SLC25A13: variants seen among roughly 807,000 people sequenced by gnomAD.
SLC25A13 encodes electrogenic aspartate/glutamate antiporter SLC25A13, mitochondrial.
In SLC25A13, 70 loss-of-function variants were observed where a neutral mutation model predicts 85.5. That is an observed-to-expected ratio of 0.82 (90% CI 0.68 to 1.00). SLC25A13 has a LOEUF of 1.00. Ranked by LOEUF, SLC25A13 falls within the 50% of genes least tolerant of loss-of-function variation. The pLI, the probability that SLC25A13 is intolerant of heterozygous loss-of-function variation, is 0.00. For missense variants in SLC25A13, 765 were observed against 819.8 expected (o/e 0.93, Z 0.82); for synonymous variants, 259 against 288.7 (o/e 0.90, Z 1.04).
rs556214354 is a variant in SLC25A13, at chr7:96,304,523, T to C, written c.16-7572A>G. On this transcript the variant is annotated intron_variant, in intron 1 of 17. Transcript: ENST00000265631. ...TGGTGGTGTTTTAGCTGGGTTCTGTTATGCCAAAAGAGCCTGAAACATACT... is the reference window on the plus strand; with the variant it reads ...TGGTGGTGTTTTAGCTGGGTTCTGTCATGCCAAAAGAGCCTGAAACATACT... Among the ~76,000 whole-genome samples, 180 of 152,348 alleles carry C rather than the reference T, an allele frequency of 1.2e-3. 1 individual carries two copies. Among genetic ancestry groups the C allele is most frequent in the South Asian group, 2.9e-3 (14 of 4,824 alleles).
Position 96,225,965 on chromosome 7 carries a change from C to T in SLC25A13, c.328+8837G>A, listed in dbSNP as rs571155119. 2.0e-5 allele frequency among the ~76,000 whole-genome samples: 3 copies of T among 152,256 alleles called. No homozygotes were observed. In the East Asian group the frequency reaches 5.8e-4, roughly 29 times the overall value. On this transcript the variant is annotated intron_variant, in intron 4 of 17. Coordinates refer to ENST00000265631, the MANE Select transcript of SLC25A13 (RefSeq NM_014251.3). ...AGTCTCCCCTCCTCCATCCCCATAT[C>T]TACACGACCAATTACCTCACCTCTT...
intron 13 of SLC25A13, among the ~76,000 whole-genome samples, chr7:96,151,237 T>C: frequency 6.6e-6 from 1 of 152,184 alleles, no homozygotes. Flanking sequence ...ATCAACATCA[T>C]CATCCTCTAG....
chr7:96,160,233 A>G (rs755529428), intron 13 of SLC25A13, among the ~76,000 whole-genome samples: 1 of 152,222 alleles, frequency 6.6e-6, no homozygotes, highest in Non-Finnish European at 1.5e-5. Flanking sequence ...TGTTGAGTCA[A>G]ACAACTCTGA....
At position 96,191,105 on chromosome 7, in the gene SLC25A13, T is replaced by C. The variant is rs1241741892; in HGVS notation, c.754+4A>G. The C allele has an allele frequency of 6.2e-7, 1 of 1,614,020 alleles. No homozygotes were observed. Among genetic ancestry groups the C allele is most frequent in the East Asian group, 2.2e-5 (1 of 44,858 alleles). ...GGCTAGAATTCAGATATATTCTCAC[T>C]CACCCTTAGTCACTTCAACATCTTT... On this transcript the variant is annotated splice_donor_region_variant and intron_variant, in intron 7 of 17. Transcript: ENST00000265631.
chr7:96,290,692 A>C (rs1386116596), intron 2 of SLC25A13, among the ~76,000 whole-genome samples: 2 of 152,332 alleles, frequency 1.3e-5, no homozygotes, highest in African/African-American at 4.8e-5. Context: ...AGGCCATTAC[A>C]TAATGGTAAA....
At chr7:96,162,330 G>A (rs1793539432) in intron 13 of SLC25A13, among the ~76,000 whole-genome samples, 1 of 152,160 alleles carries the variant, frequency 6.6e-6, no homozygotes, top group African/African-American at 2.4e-5. Context: ...TGGTGACTTT[G>A]AGTATATTTT....
chr7:96,170,411 A>G (rs1296083460), intron 12 of SLC25A13, among the ~76,000 whole-genome samples: 2 of 152,250 alleles, frequency 1.3e-5, no homozygotes, highest in African/African-American at 4.8e-5. Flanking sequence ...TTAAGAAGGG[A>G]GACACACTGA....
At chr7:96,187,687 T>C (rs79852626) in intron 9 of SLC25A13, among the ~76,000 whole-genome samples, 102 of 152,280 alleles carry the variant, frequency 6.7e-4, no homozygotes, top group Non-Finnish European at 5.1e-4. Flanking sequence ...TAGACTTTTA[T>C]TTAACTTTTC....
chr7:96,291,241 G>A (rs1316689459), intron 2 of SLC25A13, among the ~76,000 whole-genome samples: 2 of 152,120 alleles, frequency 1.3e-5, no homozygotes, highest in African/African-American at 4.8e-5. Context: ...TGAGAACAAA[G>A]ACACAACATA....
chr7:96,208,482 G>A (rs1795546377), intron 5 of SLC25A13, among the ~76,000 whole-genome samples: 1 of 151,762 alleles, frequency 6.6e-6, no homozygotes, highest in Admixed American at 6.6e-5. Flanking sequence ...TTTGATTCCA[G>A]GTTTACTTAT....
intron 1 of SLC25A13, among the ~76,000 whole-genome samples, chr7:96,313,907 T>C (rs1800038321): frequency 6.6e-6 from 1 of 152,172 alleles, no homozygotes; most frequent in Non-Finnish European, 1.5e-5. Context: ...GACCTACATA[T>C]ACCTGACCTG....
At chr7:96,301,545 C>T (rs56799948) in intron 1 of SLC25A13, among the ~76,000 whole-genome samples, 2,052 of 151,892 alleles carry the variant, frequency 0.014, 42 homozygotes, top group African/African-American at 0.047. Flanking sequence ...ATATTATTTG[C>T]TAACAAGATA....
In SLC25A13 at chr7:96,191,250, C is replaced by G; in HGVS notation, c.616-3G>C. The G allele has an allele frequency of 6.2e-6, 10 of 1,613,414 alleles. No individual in the cohort carries two copies. The highest frequency in any genetic ancestry group is 8.5e-6 in the Non-Finnish European group (10 of 1,179,836). ...TGGGATGTGGTACCTCCAGCAGCCT[C>G]AAATAAATTGAAAACAAGAGAGAAG... On this transcript the variant is annotated splice_region_variant and splice_polypyrimidine_tract_variant and intron_variant, in intron 6 of 17. Coordinates refer to ENST00000265631, the MANE Select transcript of SLC25A13 (RefSeq NM_014251.3).
intron 1 of SLC25A13, among the ~76,000 whole-genome samples, chr7:96,298,772 T>A (rs1378653818): frequency 6.6e-6 from 1 of 152,142 alleles, no homozygotes; most frequent in Non-Finnish European, 1.5e-5. Context: ...AATTAGTAAG[T>A]GTTCTCTGCT....
intron 4 of SLC25A13, among the ~76,000 whole-genome samples, chr7:96,232,521 AT>A (rs1189990185): frequency 6.6e-6 from 1 of 151,956 alleles, no homozygotes; most frequent in Admixed American, 6.6e-5. Flanking sequence ...TAATGAAATA[AT>A]TTGTACAACA....
At chr7:96,285,726 A>C (rs1798860874) in intron 2 of SLC25A13, among the ~76,000 whole-genome samples, 1 of 152,098 alleles carries the variant, frequency 6.6e-6, no homozygotes, top group Non-Finnish European at 1.5e-5. Flanking sequence ...CTCTTATATA[A>C]AATCTGAGCT....
chr7:96,261,529 G>A (rs890206682), intron 3 of SLC25A13, among the ~76,000 whole-genome samples: 1 of 152,046 alleles, frequency 6.6e-6, no homozygotes, highest in Non-Finnish European at 1.5e-5. Context: ...GCTTATTCCA[G>A]ACTGAAGATC....
chr7:96,311,200 G>A (rs1396081143), intron 1 of SLC25A13, among the ~76,000 whole-genome samples: 2 of 152,148 alleles, frequency 1.3e-5, no homozygotes, highest in Non-Finnish European at 2.9e-5. Context: ...AAACCATTAT[G>A]CAAAAAGCTG....
intron 13 of SLC25A13, among the ~76,000 whole-genome samples, chr7:96,147,478 A>C (rs779316940): frequency 6.6e-6 from 1 of 152,230 alleles, no homozygotes; most frequent in Non-Finnish European, 1.5e-5. Context: ...TGAAATCTTT[A>C]AAGTACACTA....
Sources: gnomAD v4.1 joint callset for allele counts (sites outside exome capture counted in the v4.1 genomes callset) on GRCh38, gnomAD v4.1.1 for gene constraint, MANE v1.5 for transcripts, NCBI Gene and HGNC (gene_info 2026-07-23, HGNC 2026-07-21) for gene names.